CPQ: variants seen among roughly 807,000 people sequenced by gnomAD.
The protein encoded by CPQ is Ser-Met dipeptidase.
In CPQ, 37 loss-of-function variants were observed where a neutral mutation model predicts 45.7. The ratio of observed to expected loss-of-function variants is 0.81; its 90% confidence interval spans 0.62 to 1.07. The LOEUF (loss-of-function observed/expected upper bound fraction) is 1.07. CPQ is among the 50% of genes least tolerant of loss of function. The probability of loss-of-function intolerance (pLI) is 0.00; values close to 1 mark genes in which losing one functional copy is unlikely to be tolerated. For synonymous variants in CPQ, 186 were observed against 205.8 expected, an observed-to-expected ratio of 0.90 and a Z score of 0.82; for missense variants, 537 against 572.9, an observed-to-expected ratio of 0.94 and a Z score of 0.64.
At chr8:96,653,453 C>G (rs567631039) in intron 1 of CPQ, among the ~76,000 whole-genome samples, 8 of 152,236 alleles carry the variant, frequency 5.3e-5, no homozygotes, top group African/African-American at 1.9e-4. Flanking sequence ...GTTCCTTATA[C>G]AGTTCATCCT....
intron 1 of CPQ, among the ~76,000 whole-genome samples, chr8:96,652,478 G>A (rs1815587274): frequency 1.3e-5 from 2 of 152,100 alleles, no homozygotes; most frequent in Non-Finnish European, 2.9e-5. Flanking sequence ...TCAAATCTTT[G>A]GCTATGTACT....
At chr8:97,063,452 T>C (rs573356348) in intron 6 of CPQ, among the ~76,000 whole-genome samples, 3 of 152,336 alleles carry the variant, frequency 2.0e-5, no homozygotes, top group South Asian at 4.1e-4. Context: ...TGATAGTTTC[T>C]TTTGCTGTAC....
At chr8:96,920,529 A>C (rs749016504) in intron 4 of CPQ, among the ~76,000 whole-genome samples, 5 of 152,000 alleles carry the variant, frequency 3.3e-5, no homozygotes, top group Non-Finnish European at 7.4e-5. Flanking sequence ...TATCCCACCC[A>C]CCACATTTTT....
chr8:96,880,518 CAT>C (rs200512558), intron 4 of CPQ, among the ~76,000 whole-genome samples: 21 of 97,304 alleles, frequency 2.2e-4, no homozygotes, highest in East Asian at 2.8e-4. Flanking sequence ...AATATATGGT[CAT>C]ATATATATAT....
chr8:96,653,504 T>C (rs2130705523), intron 1 of CPQ, among the ~76,000 whole-genome samples: 1 of 152,306 alleles, frequency 6.6e-6, no homozygotes, highest in Middle Eastern at 3.4e-3. Context: ...CCCTCTACAG[T>C]TGAAAATTCT....
chr8:96,718,652 C>T (rs541195005), intron 1 of CPQ, among the ~76,000 whole-genome samples: 1 of 152,302 alleles, frequency 6.6e-6, no homozygotes, highest in Admixed American at 6.5e-5. Context: ...CTGGCTCGGG[C>T]AGCCTGCTTT....
intron 5 of CPQ, among the ~76,000 whole-genome samples, chr8:97,014,027 A>G (rs1192354526): frequency 6.6e-6 from 1 of 152,232 alleles, no homozygotes; most frequent in Non-Finnish European, 1.5e-5. Context: ...TTGGAGGCAG[A>G]TGACTGCTAT....
intron 1 of CPQ, among the ~76,000 whole-genome samples, chr8:96,711,475 A>G (rs1362552293): frequency 6.6e-6 from 1 of 152,290 alleles, no homozygotes; most frequent in East Asian, 1.9e-4. Flanking sequence ...TGGGTAGTTT[A>G]TAAAGGAAAG....
intron 3 of CPQ, among the ~76,000 whole-genome samples, chr8:96,867,939 A>G (rs938171825): frequency 6.6e-6 from 1 of 152,132 alleles, no homozygotes; most frequent in Middle Eastern, 3.4e-3. Context: ...ACTGGTTTCT[A>G]GATATTTCTG....
chr8:96,929,852 A>G (rs1171252769), intron 4 of CPQ, among the ~76,000 whole-genome samples: 2 of 152,218 alleles, frequency 1.3e-5, no homozygotes, highest in Non-Finnish European at 2.9e-5. Flanking sequence ...GCATCTCAGT[A>G]GGCAAAAGTT....
At chr8:97,032,288 G>A (rs1020867582) in intron 6 of CPQ, among the ~76,000 whole-genome samples, 2 of 152,194 alleles carry the variant, frequency 1.3e-5, no homozygotes, top group African/African-American at 4.8e-5. Context: ...AGTGATCCAA[G>A]CTGACATACC....
intron 4 of CPQ, among the ~76,000 whole-genome samples, chr8:96,925,193 T>A (rs923742761): frequency 6.6e-6 from 1 of 152,228 alleles, no homozygotes; most frequent in Admixed American, 6.5e-5. Context: ...TCTCTCCATT[T>A]ATCCAAATCT....
chr8:96,968,020 C>T lies in CPQ; in HGVS notation c.961+1974C>T, dbSNP rs571925278. The stretch of plus-strand genomic sequence containing the variant: ...ATAACTTAACTTAATAAGCATGATT[C>T]TGACAGTACCATTTTTTTAATATAA... On this transcript the variant is annotated intron_variant, in intron 5 of 7. Transcript: ENST00000220763. Among the ~76,000 whole-genome samples, 17 of 152,214 alleles carry T rather than the reference C, an allele frequency of 1.1e-4. 2 individuals are homozygous for T. The Middle Eastern group carries it at 0.02, about 183-fold the overall frequency.
At chr8:96,767,228 G>A (rs1264479696) in intron 1 of CPQ, among the ~76,000 whole-genome samples, 1 of 152,200 alleles carries the variant, frequency 6.6e-6, no homozygotes, top group African/African-American at 2.4e-5. Context: ...CACAGATTTA[G>A]TAGATCGCAA....
intron 1 of CPQ, among the ~76,000 whole-genome samples, chr8:96,713,321 A>G (rs1341954813): frequency 6.6e-6 from 1 of 152,178 alleles, no homozygotes; most frequent in East Asian, 1.9e-4. Context: ...AGTCGCTTCC[A>G]CATTTTCAGG....
chr8:96,743,316 T>A (rs1170403629), intron 1 of CPQ, among the ~76,000 whole-genome samples: 1 of 151,580 alleles, frequency 6.6e-6, no homozygotes, highest in Non-Finnish European at 1.5e-5. Context: ...AGCCTTGGTT[T>A]TCAGCTCCAT....
chr8:96,809,546 T>C (rs937046122), intron 2 of CPQ, among the ~76,000 whole-genome samples: 1 of 152,134 alleles, frequency 6.6e-6, no homozygotes, highest in African/African-American at 2.4e-5. Context: ...GGCAAAACTT[T>C]AGCAACAGAA....
chr8:96,850,584 T>TTTTATTTTATTTA (rs1554572915), intron 3 of CPQ, among the ~76,000 whole-genome samples: 58 of 136,598 alleles, frequency 4.2e-4, no homozygotes, highest in African/African-American at 1.6e-3. Context: ...TTTTATTTTA[T>TTTTATTTTATTTA]TTTATTTATT....
intron 7 of CPQ, among the ~76,000 whole-genome samples, chr8:97,136,103 A>AT (rs1382600575): frequency 2.0e-5 from 3 of 152,040 alleles, no homozygotes; most frequent in African/African-American, 7.2e-5. Flanking sequence ...CAGCTCAGGT[A>AT]TTTTTTATAA....
Sources: allele counts gnomAD v4.1 joint callset (sites outside exome capture counted in the v4.1 genomes callset), GRCh38; gene constraint gnomAD v4.1.1; transcripts MANE v1.5; gene names NCBI Gene and HGNC (gene_info 2026-07-23, HGNC 2026-07-21).